MYO16: variants seen among roughly 807,000 people sequenced by gnomAD.
MYO16 encodes myosin XVI, also known as unconventional myosin-XVI.
In MYO16, 94 loss-of-function variants were observed where a neutral mutation model predicts 205.3. The ratio of observed to expected loss-of-function variants is 0.46; its 90% CI spans 0.39 to 0.54. The LOEUF (loss-of-function observed/expected upper bound fraction) is 0.54, where lower values mean the gene tolerates loss of function less well. Among genes scored for constraint, MYO16 ranks in the 20% least tolerant of loss-of-function variants. The pLI is 0.00. For missense variants in MYO16, 2,315 were observed against 2,387.5 expected (o/e 0.97, Z 0.63); for synonymous variants, 988 against 954.0 (o/e 1.04, Z -0.66).
intron 22 of MYO16, 75 bp downstream of exon 22, chr13:109,009,124 C>T: frequency 8.1e-7 from 1 of 1,230,054 alleles, no homozygotes; most frequent in Non-Finnish European, 1.1e-6. Flanking sequence ...AATTTTCTTT[C>T]AGGACGCCTT....
the MYO16 span, among the ~76,000 whole-genome samples, chr13:108,519,352 G>A: frequency 1.1e-3 from 161 of 152,170 alleles, no homozygotes; most frequent in African/African-American, 3.6e-3. Context: ...TTTTCTGCAT[G>A]GTGGAACTCA....
chr13:109,022,258 T>TA (rs1555324897), intron 23 of MYO16, among the ~76,000 whole-genome samples: 1 of 128,800 alleles, frequency 7.8e-6, no homozygotes, highest in Non-Finnish European at 1.6e-5. Context: ...TATACAAATA[T>TA]ATATACATAT....
At chr13:108,845,110 A>C (rs946543685) in intron 10 of MYO16, among the ~76,000 whole-genome samples, 1 of 152,202 alleles carries the variant, frequency 6.6e-6, no homozygotes, top group African/African-American at 2.4e-5. Flanking sequence ...TAAGTGGCAG[A>C]ATAACTTGCA....
intron 23 of MYO16, among the ~76,000 whole-genome samples, chr13:109,039,420 A>G (rs550321350): frequency 1.3e-5 from 2 of 152,226 alleles, no homozygotes; most frequent in African/African-American, 2.4e-5. Context: ...CCCATGGGAC[A>G]TGTGTCCAGA....
chr13:108,969,636 A>G (rs1883933820), intron 20 of MYO16, among the ~76,000 whole-genome samples: 1 of 152,180 alleles, frequency 6.6e-6, no homozygotes, highest in Non-Finnish European at 1.5e-5. Flanking sequence ...TGCTCTGCTC[A>G]TTCTTTTTAG....
At chr13:108,498,474 T>C in the MYO16 span, among the ~76,000 whole-genome samples, 40 of 152,280 alleles carry the variant, frequency 2.6e-4, no homozygotes, top group South Asian at 8.3e-3. Context: ...ACAGACGTAA[T>C]GCCTCTCTCT....
intron 20 of MYO16, among the ~76,000 whole-genome samples, chr13:108,978,569 G>C (rs1015086419): frequency 2.0e-5 from 3 of 151,692 alleles, no homozygotes; most frequent in African/African-American, 7.3e-5. Context: ...CATTTATACT[G>C]CAAACCCTGT....
At chr13:108,736,976 C>T (rs1045508693) in intron 4 of MYO16, among the ~76,000 whole-genome samples, 3 of 152,224 alleles carry the variant, frequency 2.0e-5, no homozygotes, top group African/African-American at 4.8e-5. Flanking sequence ...GAGATTTTTG[C>T]ACATTGATTT....
intron 15 of MYO16, 114 bp downstream of exon 15, chr13:108,898,247 C>T: frequency 1.2e-6 from 1 of 807,514 alleles, no homozygotes; most frequent in Admixed American, 2.0e-5. Flanking sequence ...GAGAGAAAAC[C>T]TATTCTTCAT....
At chr13:108,771,360 T>C (rs1939009459) in intron 4 of MYO16, among the ~76,000 whole-genome samples, 1 of 152,118 alleles carries the variant, frequency 6.6e-6, no homozygotes, top group Non-Finnish European at 1.5e-5. Flanking sequence ...TTTAGAGCAG[T>C]TTTAGGTTCA....
intron 34 of MYO16, among the ~76,000 whole-genome samples, chr13:109,201,770 G>T (rs921450628): frequency 6.6e-6 from 1 of 151,856 alleles, no homozygotes; most frequent in African/African-American, 2.4e-5. Flanking sequence ...TTTCCTTCCA[G>T]TCCCAAAGTC....
chr13:108,570,864 G>A, the MYO16 span, among the ~76,000 whole-genome samples: 1 of 152,206 alleles, frequency 6.6e-6, no homozygotes, highest in East Asian at 1.9e-4. Flanking sequence ...GTTCTGTAGA[G>A]AGATTAATGC....
chr13:108,742,790 A>G (rs1263268513), intron 4 of MYO16, among the ~76,000 whole-genome samples: 1 of 152,218 alleles, frequency 6.6e-6, no homozygotes, highest in Non-Finnish European at 1.5e-5. Flanking sequence ...CTATGCCCTG[A>G]GTTAAATGCT....
intron 4 of MYO16, among the ~76,000 whole-genome samples, chr13:108,782,698 C>T (rs967170564): frequency 6.6e-6 from 1 of 152,092 alleles, no homozygotes; most frequent in Non-Finnish European, 1.5e-5. Flanking sequence ...GCACAGGGTC[C>T]CCGTGCTGTT....
At chr13:108,536,014 CGTGTGTGTGCAT>C in the MYO16 span, among the ~76,000 whole-genome samples, 32,310 of 141,448 alleles carry the variant, frequency 0.23, 3,841 homozygotes, top group East Asian at 0.48. Flanking sequence ...TATGCGCATA[CGTGTGTGTGCAT>C]GTGTGTGTGC....
the MYO16 span, among the ~76,000 whole-genome samples, chr13:108,588,728 G>A: frequency 6.6e-6 from 1 of 152,064 alleles, no homozygotes; most frequent in Non-Finnish European, 1.5e-5. Flanking sequence ...TCATTGCCAA[G>A]GCGTGACATA....
the MYO16 span, among the ~76,000 whole-genome samples, chr13:108,527,839 G>T: frequency 6.6e-6 from 1 of 151,972 alleles, no homozygotes; most frequent in Non-Finnish European, 1.5e-5. Flanking sequence ...TTTCCAATTG[G>T]CCTTTCTAAC....
At chr13:109,109,151 C>T (rs143977705) in intron 28 of MYO16, among the ~76,000 whole-genome samples, 68 of 152,292 alleles carry the variant, frequency 4.5e-4, no homozygotes, top group African/African-American at 1.5e-3. Context: ...TCTGTTCCTA[C>T]TGAGAGATCC....
At position 109,055,726 on chromosome 13, in the gene MYO16, C is replaced by T; in HGVS notation, c.3335+131C>T. 1.4e-6 allele frequency: 1 copy of T among 727,966 alleles called. No individual in the cohort carries two copies. The highest frequency in any genetic ancestry group is 2.3e-6 in the Non-Finnish European group (1 of 439,190). 45.1% of individuals were successfully genotyped at this position (727,966 alleles called of 1,614,324 possible). On this transcript the variant is annotated intron_variant, in intron 27 of 34. Coordinates refer to ENST00000457511, the MANE Select transcript of MYO16 (RefSeq NM_001198950.3). This position sits in a 1 kb window ranked among gnomAD's most constrained non-coding sequence, Gnocchi z 5.0. ...GCTTTTGTTGTTTACTTTTTTCTAT[C>T]TCCAATAAACAAAATATTCTGGGAA...
Sources: allele counts gnomAD v4.1 joint callset (sites outside exome capture counted in the v4.1 genomes callset), GRCh38; gene constraint gnomAD v4.1.1; non-coding constraint Gnocchi (gnomAD v3.1); transcripts MANE v1.5; gene names NCBI Gene and HGNC (gene_info 2026-07-23, HGNC 2026-07-21).